Variants in SSH2 observed in about 807,000 individuals in gnomAD.
SSH2 encodes the protein protein phosphatase Slingshot homolog 2.
In SSH2, 37 loss-of-function variants were observed where a neutral mutation model predicts 135.2. That is an observed-to-expected ratio of 0.27 (90% CI 0.21 to 0.36). The LOEUF is 0.36. SSH2 is among the 10% of genes least tolerant of loss of function. The pLI is 1.00. For synonymous variants in SSH2, 628 were observed against 646.2 expected, an observed-to-expected ratio of 0.97 and a Z score of 0.43; for missense variants, 1,408 against 1,765.3, an observed-to-expected ratio of 0.80 and a Z score of 3.63.
In SSH2 at chr17:29,631,526, G is replaced by A. The variant is rs765592759; in HGVS notation, c.3668C>T (p.Thr1223Ile). Residue 1223 changes from threonine (T) to isoleucine (I), a missense_variant, in exon 16 of 16, where the codon ACT becomes ATT. This residue lies in a region of SSH2 where 1,080 missense variants were observed against 1,144.5 expected (regional missense o/e 0.94). Transcript: ENST00000540801. ...GTCCATTTTCTCCTGTAACTCCCCA[G>A]TGTTGTCACCAAGTTTGCTAATTAA... ...LSLISKLGDN[T>I]GELQEKMDPL... 4 of 1,614,174 alleles carry A rather than the reference G, an allele frequency of 2.5e-6. No individual in the cohort carries two copies. Among genetic ancestry groups the A allele is most frequent in the East Asian group, 2.2e-5 (1 of 44,890 alleles).
chr17:29,776,999 G>A (rs773464217), intron 3 of SSH2, among the ~76,000 whole-genome samples: 37 of 152,110 alleles, frequency 2.4e-4, no homozygotes, highest in Non-Finnish European at 3.7e-4. Flanking sequence ...ATCACCTGAA[G>A]TCAGGAGTTC....
chr17:29,852,518 G>A (rs1028218641), intron 1 of SSH2, among the ~76,000 whole-genome samples: 2 of 151,386 alleles, frequency 1.3e-5, no homozygotes, highest in Non-Finnish European at 2.9e-5. Context: ...AAAGGACAAA[G>A]GTCAAGTTCA....
chr17:29,652,303 C>A (rs1442414163), intron 12 of SSH2, among the ~76,000 whole-genome samples: 2 of 152,130 alleles, frequency 1.3e-5, no homozygotes, highest in African/African-American at 4.8e-5. Context: ...CAAATGGTCA[C>A]AGCAGCATTA....
chr17:29,762,574 G>A (rs1254924288), intron 3 of SSH2, among the ~76,000 whole-genome samples: 1 of 152,200 alleles, frequency 6.6e-6, no homozygotes, highest in Non-Finnish European at 1.5e-5. Context: ...CAGGTTTTAT[G>A]ACATTTGATC....
At chr17:29,880,880 A>G (rs182151939) in intron 1 of SSH2, among the ~76,000 whole-genome samples, 81 of 152,328 alleles carry the variant, frequency 5.3e-4, no homozygotes, top group Non-Finnish European at 9.4e-4. Flanking sequence ...TACAAAGCCA[A>G]TTAGGGCTAG....
chr17:29,662,750 C>G (rs2037103523), intron 11 of SSH2, among the ~76,000 whole-genome samples: 1 of 152,054 alleles, frequency 6.6e-6, no homozygotes, highest in African/African-American at 2.4e-5. Context: ...GCCTAGTACT[C>G]ATTAGCTATT....
In SSH2 at chr17:29,684,667, A is replaced by G. The variant is rs1380111763; in HGVS notation, c.375T>C (p.Ser125=). ...TATAGCGTGTTCGATTCTGGTAAGT[A>G]CTTTCCAGTCTTACAGCCTGGAATT... is the stretch of plus-strand genomic sequence containing the variant. ...DNIRLAVRLE[S]TYQNRTRYMV... Residue 125 remains serine, a synonymous_variant, in exon 6 of 16, where the codon AGT becomes AGC. Coordinates refer to ENST00000540801, the MANE Select transcript of SSH2 (RefSeq NM_001282129.2). 5.0e-6 allele frequency: 8 copies of G among 1,612,200 alleles called. No homozygotes were observed. The highest frequency in any genetic ancestry group is 6.8e-6 in the Non-Finnish European group (8 of 1,179,082).
At chr17:29,895,302 A>G (rs1178766813) in intron 1 of SSH2, among the ~76,000 whole-genome samples, 4 of 107,286 alleles carry the variant, frequency 3.7e-5, no homozygotes, top group Non-Finnish European at 7.0e-5. Context: ...CATTTTATAT[A>G]TGAAATATAT....
chr17:29,667,810 A>G (rs964508891), intron 9 of SSH2, among the ~76,000 whole-genome samples: 2 of 152,156 alleles, frequency 1.3e-5, no homozygotes. Flanking sequence ...GCTGATAACC[A>G]TGCTGGGGCA....
chr17:29,638,934 A>G (rs1218002644), intron 14 of SSH2, among the ~76,000 whole-genome samples: 2 of 152,208 alleles, frequency 1.3e-5, no homozygotes, highest in African/African-American at 4.8e-5. Context: ...AAAACATACA[A>G]GTAACACAAA....
intron 5 of SSH2, among the ~76,000 whole-genome samples, chr17:29,687,025 T>C (rs1445355613): frequency 6.6e-6 from 1 of 152,222 alleles, no homozygotes; most frequent in Non-Finnish European, 1.5e-5. Context: ...CAAATTCTTC[T>C]GTATAAAATA....
Position 29,636,639 on chromosome 17 carries a change from G to A in SSH2, c.1591C>T (p.Pro531Ser), listed in dbSNP as rs201739293. ...ACCATATGTTCCACAAAGACAGGAG[G>A]TATGGGTGGGTGACTCTCCATGGTC... ...VKTMESHPPI[P>S]PVFVEHMVPQ... Residue 531 changes from proline to serine, a missense_variant, in exon 15 of 16, where the codon CCT becomes TCT. Physicochemically the swap from Pro to Ser is moderately conservative, Grantham distance 74 (BLOSUM62 -1). Around this residue, in one of 3 missense-constraint regions of SSH2, gnomAD observed 1,080 missense variants for 1,144.5 expected, o/e 0.94. Coordinates refer to ENST00000540801, the MANE Select transcript of SSH2 (RefSeq NM_001282129.2). 1.5e-5 allele frequency: 24 copies of A among 1,614,048 alleles called. No individual in the cohort carries two copies. The highest frequency in any genetic ancestry group is 1.9e-5 in the Non-Finnish European group (23 of 1,180,034).
At chr17:29,766,990 GT>G (rs1271412102) in intron 3 of SSH2, among the ~76,000 whole-genome samples, 1 of 152,174 alleles carries the variant, frequency 6.6e-6, no homozygotes, top group African/African-American at 2.4e-5. Flanking sequence ...AAGCAATCAT[GT>G]TTTGCAATCA....
At chr17:29,865,212 C>T (rs2065833356) in intron 1 of SSH2, among the ~76,000 whole-genome samples, 1 of 152,154 alleles carries the variant, frequency 6.6e-6, no homozygotes, top group Non-Finnish European at 1.5e-5. Context: ...GGTAAGTCTA[C>T]AATTAAAAGA....
intron 1 of SSH2, among the ~76,000 whole-genome samples, chr17:29,875,357 A>G (rs2066008981): frequency 6.6e-6 from 1 of 152,154 alleles, no homozygotes; most frequent in Admixed American, 6.6e-5. Context: ...CTTATCAGTA[A>G]GCCCTGTAGG....
At position 29,636,151 on chromosome 17, in the gene SSH2, G is replaced by A. The variant is rs763751587; in HGVS notation, c.2079C>T (p.Thr693=). The change falls in exon 15 of 16, where the codon ACC becomes ACT. Residue 693 remains threonine, a synonymous_variant. Coordinates refer to ENST00000540801, the MANE Select transcript of SSH2 (RefSeq NM_001282129.2). ...LEKFVELSQE[T]RSRSFSHSRM... The stretch of plus-strand genomic sequence containing the variant: ...TTGAATGGGAAAAAGATCGTGACCG[G>A]GTTTCTTGGGAGAGCTCCACAAACT... 6.8e-6 allele frequency: 11 copies of A among 1,614,046 alleles called. No homozygotes were observed. The South Asian group carries it at 1.2e-4, about 18-fold the overall frequency.
chr17:29,878,883 TCAA>T (rs1280996807), intron 1 of SSH2, among the ~76,000 whole-genome samples: 1 of 152,134 alleles, frequency 6.6e-6, no homozygotes, highest in Non-Finnish European at 1.5e-5. Flanking sequence ...AGAAACAAGC[TCAA>T]AGCAGCAAAT....
chr17:29,656,420 C>T (rs2036782501), intron 11 of SSH2, among the ~76,000 whole-genome samples: 1 of 152,144 alleles, frequency 6.6e-6, no homozygotes, highest in Non-Finnish European at 1.5e-5. Flanking sequence ...TCGTGATCCA[C>T]CCGCCTCAGC....
intron 1 of SSH2, among the ~76,000 whole-genome samples, chr17:29,899,420 C>T (rs1251399995): frequency 6.6e-6 from 1 of 152,204 alleles, no homozygotes; most frequent in Non-Finnish European, 1.5e-5. Flanking sequence ...TGATAGGCAA[C>T]TTCAGCAAAG....
Sources: gnomAD v4.1 joint callset for allele counts (sites outside exome capture counted in the v4.1 genomes callset) on GRCh38, gnomAD v4.1.1 for gene constraint, gnomAD v4.1.1 regional missense constraint, MANE v1.5 for transcripts, NCBI Gene and HGNC (gene_info 2026-07-23, HGNC 2026-07-21) for gene names.